The following ROBO1 variants were observed in gnomAD, a reference collection of about 807,000 sequenced individuals.
The protein encoded by ROBO1 is roundabout guidance receptor 1.
A neutral mutation model predicts 195.9 loss-of-function variants in ROBO1; 149 were observed. The ratio of observed to expected loss-of-function variants is 0.76; its 90% CI spans 0.67 to 0.87. ROBO1 has a LOEUF of 0.87. Ranked by LOEUF, ROBO1 falls within the 40% of genes least tolerant of loss-of-function variation. The pLI, the probability that ROBO1 is intolerant of heterozygous loss-of-function variation, is 0.00. For missense variants in ROBO1, 1,933 were observed against 2,068.3 expected (o/e 0.93, Z 1.27); for synonymous variants, 816 against 733.2 (o/e 1.11, Z -1.82).
chr3:79,460,249 T>C (rs1272414300), intron 2 of ROBO1, among the ~76,000 whole-genome samples: 2 of 152,182 alleles, frequency 1.3e-5, no homozygotes, highest in African/African-American at 2.4e-5. Flanking sequence ...CTGAGAGGCA[T>C]TGCCATCAAT....
intron 2 of ROBO1, among the ~76,000 whole-genome samples, chr3:79,363,649 T>C (rs531390220): frequency 2.0e-5 from 3 of 152,314 alleles, no homozygotes; most frequent in Admixed American, 2.0e-4. Flanking sequence ...CAGAAACATA[T>C]GCATATGTAC....
intron 2 of ROBO1, among the ~76,000 whole-genome samples, chr3:79,363,913 A>G (rs1248092161): frequency 6.6e-6 from 1 of 152,208 alleles, no homozygotes; most frequent in Non-Finnish European, 1.5e-5. Context: ...ACCACGGTCC[A>G]AATCTGATGG....
At chr3:79,121,060 T>C (rs1207590459) in intron 3 of ROBO1, among the ~76,000 whole-genome samples, 1 of 152,158 alleles carries the variant, frequency 6.6e-6, no homozygotes, top group African/African-American at 2.4e-5. Flanking sequence ...GAACTATTTA[T>C]CTTTTAGAAT....
At chr3:78,995,130 T>A (rs2077330821) in intron 3 of ROBO1, among the ~76,000 whole-genome samples, 1 of 152,172 alleles carries the variant, frequency 6.6e-6, no homozygotes. Flanking sequence ...CATCTGTAAC[T>A]GAACAAAGAA....
In ROBO1 at chr3:79,394,208, T is replaced by A. The variant is rs888268358; in HGVS notation, c.88+195616A>T. ...TTCAGGTCAGAAAAGAGTAGACTAG[T>A]TTGTATGTGAGGAGAAGCTAAGGAT... On this transcript the variant is annotated intron_variant, in intron 2 of 30. Coordinates refer to ENST00000464233, the MANE Select transcript of ROBO1 (RefSeq NM_002941.4). Among the ~76,000 whole-genome samples the A allele has an allele frequency of 2.0e-5, 3 of 151,698 alleles. No individual in the cohort carries two copies. In the East Asian group the frequency reaches 5.8e-4, roughly 29 times the overall value.
intron 11 of ROBO1, among the ~76,000 whole-genome samples, chr3:78,668,931 G>T (rs1343205726): frequency 1.3e-5 from 2 of 151,952 alleles, no homozygotes; most frequent in African/African-American, 4.8e-5. Flanking sequence ...ATATAATAAG[G>T]CTGATAAAGT....
intron 4 of ROBO1, among the ~76,000 whole-genome samples, chr3:78,775,176 T>C (rs2083473080): frequency 1.3e-5 from 2 of 152,194 alleles, no homozygotes; most frequent in Non-Finnish European, 2.9e-5. Flanking sequence ...AGTGAAATGC[T>C]ATCTTCTGGC....
chr3:79,300,415 C>T (rs1194971736), intron 2 of ROBO1, among the ~76,000 whole-genome samples: 2 of 152,336 alleles, frequency 1.3e-5, no homozygotes, highest in Middle Eastern at 3.4e-3. Context: ...GGCCCACCGG[C>T]GCTGCGCTCG....
chr3:78,923,939 T>G (rs1199045615), intron 4 of ROBO1, among the ~76,000 whole-genome samples: 1 of 152,024 alleles, frequency 6.6e-6, no homozygotes, highest in African/African-American at 2.4e-5. Flanking sequence ...TTGTTATATA[T>G]GTAGTATTAT....
At chr3:78,640,031 A>G (rs1705840397) in intron 21 of ROBO1, 133 bp from the exon 22 acceptor site, 2 of 774,402 alleles carry the variant, frequency 2.6e-6, no homozygotes, top group African/African-American at 1.8e-5. Flanking sequence ...TGACATTATT[A>G]TCCCTTTTAT....
chr3:79,452,537 A>T (rs2039479239), intron 2 of ROBO1, among the ~76,000 whole-genome samples: 1 of 152,136 alleles, frequency 6.6e-6, no homozygotes, highest in South Asian at 2.1e-4. Flanking sequence ...CTCCACAAAG[A>T]CATGAGTTGT....
chr3:79,210,405 T>C (rs998941118), intron 2 of ROBO1, among the ~76,000 whole-genome samples: 4 of 152,012 alleles, frequency 2.6e-5, no homozygotes, highest in African/African-American at 9.7e-5. Context: ...GCATATAAGA[T>C]TAAAGTGGGG....
intron 1 of ROBO1, among the ~76,000 whole-genome samples, chr3:79,686,727 C>A (rs1417685799): frequency 6.6e-6 from 1 of 152,132 alleles, no homozygotes; most frequent in African/African-American, 2.4e-5. Context: ...AGGATACAAA[C>A]AAATGCAAGG....
intron 3 of ROBO1, among the ~76,000 whole-genome samples, chr3:78,988,021 G>A (rs1008732882): frequency 2.6e-5 from 4 of 152,128 alleles, no homozygotes; most frequent in South Asian, 2.1e-4. Flanking sequence ...TTTTCTACAC[G>A]CAATGTATAT....
chr3:78,968,855 A>G lies in ROBO1; in HGVS notation c.173-29928T>C, dbSNP rs540659571. Among the ~76,000 whole-genome samples, 6 of 152,314 alleles carry G rather than the reference A, an allele frequency of 3.9e-5. No individual in the cohort carries two copies. In the East Asian group the frequency reaches 1.2e-3, roughly 29 times the overall value. ...CATTACTGGTAAGGTTAAAAGATGA[A>G]TTTTATAACAGGCACAAATAGGCAC... On this transcript the variant is annotated intron_variant, in intron 3 of 30. Transcript: ENST00000464233.
chr3:79,548,617 A>C (rs1942361075), intron 2 of ROBO1, among the ~76,000 whole-genome samples: 1 of 152,202 alleles, frequency 6.6e-6, no homozygotes, highest in Non-Finnish European at 1.5e-5. Flanking sequence ...AGTTCATAAA[A>C]TATATTAAGA....
At chr3:79,222,721 T>A (rs1054098554) in intron 2 of ROBO1, among the ~76,000 whole-genome samples, 5 of 152,076 alleles carry the variant, frequency 3.3e-5, no homozygotes, top group Admixed American at 6.6e-5. Flanking sequence ...TGTTTCTAAA[T>A]ACAATATGAT....
At chr3:78,755,327 A>T (rs1203242826) in intron 4 of ROBO1, among the ~76,000 whole-genome samples, 1 of 152,134 alleles carries the variant, frequency 6.6e-6, no homozygotes, top group African/African-American at 2.4e-5. Context: ...GTACAAAATT[A>T]GCTAGGCATG....
intron 4 of ROBO1, among the ~76,000 whole-genome samples, chr3:78,780,337 C>T (rs537551844): frequency 6.6e-6 from 1 of 152,204 alleles, no homozygotes; most frequent in East Asian, 1.9e-4. Flanking sequence ...CAATAAGACG[C>T]AATTTCCAAA....
Sources: gnomAD v4.1 joint callset for allele counts (sites outside exome capture counted in the v4.1 genomes callset) on GRCh38, gnomAD v4.1.1 for gene constraint, MANE v1.5 for transcripts, NCBI Gene and HGNC (gene_info 2026-07-23, HGNC 2026-07-21) for gene names.